Variants in DISC1 observed in about 807,000 individuals in gnomAD.
DISC1 encodes disrupted in schizophrenia 1 protein.
In DISC1, 57 loss-of-function variants were observed where a neutral mutation model predicts 84.5. The ratio of observed to expected loss-of-function variants is 0.67; its 90% CI spans 0.55 to 0.84. The LOEUF (loss-of-function observed/expected upper bound fraction) is 0.84, where lower values mean the gene tolerates loss of function less well. DISC1 is among the 40% of genes least tolerant of loss of function. The pLI, the probability that DISC1 is intolerant of heterozygous loss-of-function variation, is 0.00. For missense variants in DISC1, 1,000 were observed against 1,057.8 expected (o/e 0.95, Z 0.76); for synonymous variants, 411 against 415.2 (o/e 0.99, Z 0.12).
chr1:231,872,095 C>T (rs936770045), intron 9 of DISC1, among the ~76,000 whole-genome samples: 6 of 152,098 alleles, frequency 3.9e-5, no homozygotes, highest in African/African-American at 4.8e-5. Context: ...CGGTGAACAG[C>T]GTGAAGACAG....
At chr1:232,011,389 T>TG (rs1271985591) in intron 11 of DISC1, among the ~76,000 whole-genome samples, 1 of 152,094 alleles carries the variant, frequency 6.6e-6, no homozygotes, top group Non-Finnish European at 1.5e-5. Context: ...GTTGCTTTCT[T>TG]GGGGGTGAGT....
At position 231,771,030 on chromosome 1, in the gene DISC1, C is replaced by G; in HGVS notation, c.1594C>G (p.Gln532Glu). 1 of 1,610,634 alleles carries G rather than the reference C, an allele frequency of 6.2e-7. No homozygotes were observed. Among genetic ancestry groups the G allele is most frequent in the Non-Finnish European group, 8.5e-7 (1 of 1,178,326 alleles). Residue 532 changes from glutamine to glutamate, a missense_variant, in exon 6 of 13, where the codon CAG becomes GAG. Physicochemically the swap from Gln to Glu is conservative, Grantham distance 29. This residue lies in a region of DISC1 where 397 missense variants were observed against 377.5 expected (regional missense o/e 1.05). Coordinates refer to ENST00000439617, the MANE Select transcript of DISC1 (RefSeq NM_018662.3). ...GCAGGACACCCTGGCCTCAGCCGGT[C>G]AGATTCCCTTCCATGCAGAGCCACC... ...ALQDTLASAG[Q>E]IPFHAEPPET...
intron 9 of DISC1, among the ~76,000 whole-genome samples, chr1:231,921,982 C>T (rs1435472443): frequency 2.0e-5 from 3 of 152,016 alleles, no homozygotes; most frequent in African/African-American, 7.3e-5. Context: ...CACCATCTGC[C>T]TTTTTGCTTT....
chr1:231,935,109 A>G (rs1172773365), intron 9 of DISC1, among the ~76,000 whole-genome samples: 2 of 152,216 alleles, frequency 1.3e-5, no homozygotes, highest in Non-Finnish European at 2.9e-5. Context: ...GCAGGATGAT[A>G]CAGTCTGCTC....
intron 1 of DISC1, among the ~76,000 whole-genome samples, chr1:231,681,179 T>G (rs1336555301): frequency 2.0e-5 from 3 of 152,212 alleles, no homozygotes; most frequent in African/African-American, 7.2e-5. Flanking sequence ...GGAGAATTAA[T>G]AGCACAATGG....
chr1:231,724,978 T>C (rs1233321117), intron 3 of DISC1, among the ~76,000 whole-genome samples: 2 of 152,172 alleles, frequency 1.3e-5, no homozygotes, highest in Non-Finnish European at 2.9e-5. Flanking sequence ...TCCATGTCAC[T>C]ATAGGAGAGA....
intron 3 of DISC1, among the ~76,000 whole-genome samples, chr1:231,722,304 A>AC (rs1344732668): frequency 6.6e-6 from 1 of 152,188 alleles, no homozygotes; most frequent in Non-Finnish European, 1.5e-5. Flanking sequence ...AGTAAAAAAC[A>AC]CAGTATGCTA....
chr1:231,824,435 TG>T (rs2081713464), intron 9 of DISC1, among the ~76,000 whole-genome samples: 1 of 152,248 alleles, frequency 6.6e-6, no homozygotes, highest in Admixed American at 6.5e-5. Context: ...CATTTATCTT[TG>T]ATTTGCCTTA....
At chr1:231,967,901 G>C (rs1221994309) in intron 10 of DISC1, among the ~76,000 whole-genome samples, 2 of 152,108 alleles carry the variant, frequency 1.3e-5, no homozygotes, top group Non-Finnish European at 2.9e-5. Flanking sequence ...ATTAAAAAGA[G>C]TAAAAAAGGA....
chr1:231,720,576 G>A (rs971746319), intron 3 of DISC1, among the ~76,000 whole-genome samples: 1 of 152,172 alleles, frequency 6.6e-6, no homozygotes, highest in Non-Finnish European at 1.5e-5. Context: ...CTGGCCTCAA[G>A]CGATCCTCCC....
intron 3 of DISC1, chr1:231,722,583 T>G (rs1395386238): frequency 1.9e-6 from 3 of 1,614,196 alleles, no homozygotes; most frequent in Non-Finnish European, 2.5e-6. Flanking sequence ...CTCGACATCC[T>G]GAACCAAACT....
intron 3 of DISC1, among the ~76,000 whole-genome samples, chr1:231,732,141 T>TCCAAGG (rs2071604436): frequency 6.6e-6 from 1 of 152,254 alleles, no homozygotes; most frequent in African/African-American, 2.4e-5. Flanking sequence ...CAAGGTTGTA[T>TCCAAGG]TGACTTGAAG....
chr1:231,959,034 A>G (rs1302066674), intron 10 of DISC1, 146 bp downstream of exon 10: 18 of 1,428,814 alleles, frequency 1.3e-5, no homozygotes, highest in Non-Finnish European at 1.5e-5. Flanking sequence ...TTTGAACCCC[A>G]TCAGTGAAAG....
At chr1:231,754,938 T>C (rs2125352350) in intron 4 of DISC1, among the ~76,000 whole-genome samples, 1 of 152,312 alleles carries the variant, frequency 6.6e-6, no homozygotes, top group South Asian at 2.1e-4. Flanking sequence ...AATGTTCCAT[T>C]CACTTTTTGA....
Position 231,816,396 on chromosome 1 carries a change from T to C in DISC1, c.1793-1933T>C, listed in dbSNP as rs2080982713. Among the ~76,000 whole-genome samples the C allele has an allele frequency of 2.0e-5, 3 of 152,204 alleles. No individual in the cohort carries two copies. In the South Asian group the frequency reaches 6.2e-4, roughly 31 times the overall value. On this transcript the variant is annotated intron_variant, in intron 8 of 12. Transcript: ENST00000439617. ...TGTGACTTGTCGTCTCATTTTTTAG[T>C]TGTGTCTTTTGATGAGAAGTTTTTA...
chr1:231,730,232 G>A (rs899173681), intron 3 of DISC1, among the ~76,000 whole-genome samples: 19 of 152,230 alleles, frequency 1.2e-4, no homozygotes, highest in Admixed American at 5.2e-4. Context: ...ATAATGAATG[G>A]CATTTGAATT....
chr1:231,911,519 T>G (rs1283277810), intron 9 of DISC1, among the ~76,000 whole-genome samples: 6 of 152,230 alleles, frequency 3.9e-5, no homozygotes, highest in Non-Finnish European at 8.8e-5. Flanking sequence ...TCTTCTGGCT[T>G]GTAGAGTTTC....
At chr1:231,878,459 A>G (rs2086049798) in intron 9 of DISC1, among the ~76,000 whole-genome samples, 1 of 152,154 alleles carries the variant, frequency 6.6e-6, no homozygotes, top group Non-Finnish European at 1.5e-5. Flanking sequence ...TGCTGGCTTC[A>G]AGGGATGGAG....
chr1:231,652,939 C>A (rs533689974), intron 1 of DISC1, among the ~76,000 whole-genome samples: 8 of 152,130 alleles, frequency 5.3e-5, no homozygotes, highest in Non-Finnish European at 8.8e-5. Context: ...GCCACCACAC[C>A]TGGCTAATTT....
Sources: allele counts gnomAD v4.1 joint callset (sites outside exome capture counted in the v4.1 genomes callset), GRCh38; gene constraint gnomAD v4.1.1; regional missense constraint gnomAD v4.1.1; transcripts MANE v1.5; gene names NCBI Gene and HGNC (gene_info 2026-07-23, HGNC 2026-07-21).